Variants in PPP1R21 observed in about 807,000 individuals in gnomAD.
PPP1R21 encodes protein phosphatase 1 regulatory subunit 21.
Under a neutral mutation model 112.8 loss-of-function variants are expected in PPP1R21, and 85 were observed. The observed-to-expected ratio is 0.75, with a 90% CI of 0.63 to 0.90. The LOEUF is 0.90. Ranked by LOEUF, PPP1R21 falls within the 40% of genes least tolerant of loss-of-function variation. The probability of loss-of-function intolerance (pLI) is 0.00; values close to 1 mark genes in which losing one functional copy is unlikely to be tolerated. For synonymous variants in PPP1R21, 381 were observed against 322.3 expected, an observed-to-expected ratio of 1.18 and a Z score of -1.95; for missense variants, 1,199 against 901.5, an observed-to-expected ratio of 1.33 and a Z score of -4.23.
intron 1 of PPP1R21, among the ~76,000 whole-genome samples, chr2:48,447,425 T>C (rs1349353909): frequency 2.0e-5 from 3 of 152,224 alleles, no homozygotes. Context: ...AAGAGCTTGG[T>C]GCACAGCTGT....
intron 21 of PPP1R21, among the ~76,000 whole-genome samples, chr2:48,513,098 T>C (rs1670712863): frequency 6.6e-6 from 1 of 152,152 alleles, no homozygotes; most frequent in African/African-American, 2.4e-5. Flanking sequence ...TTCAGAAGTA[T>C]TTGGTTTTGA....
intron 1 of PPP1R21, among the ~76,000 whole-genome samples, chr2:48,443,489 G>C (rs1667117319): frequency 6.6e-6 from 1 of 152,216 alleles, no homozygotes; most frequent in African/African-American, 2.4e-5. Context: ...CCATCACGAT[G>C]CACTTTGAGA....
chr2:48,464,241 G>A (rs983767357), intron 7 of PPP1R21, among the ~76,000 whole-genome samples: 1 of 152,138 alleles, frequency 6.6e-6, no homozygotes, highest in African/African-American at 2.4e-5. Flanking sequence ...AAGGGAACTG[G>A]GTGACTATGC....
intron 13 of PPP1R21, 51 bp from the exon 14 acceptor site, chr2:48,486,580 A>G (rs761118145): frequency 1.4e-6 from 2 of 1,397,902 alleles, no homozygotes; most frequent in East Asian, 2.3e-5. Context: ...GGTTATCTGT[A>G]TGTGACTTAT....
At chr2:48,465,712 T>C in intron 9 of PPP1R21, 70 bp downstream of exon 9, 1 of 1,419,564 alleles carries the variant, frequency 7.0e-7, no homozygotes, top group Non-Finnish European at 9.7e-7. Context: ...TTTTTAGACC[T>C]CTTCTGTGCA....
At chr2:48,502,448 C>G (rs1241088930) in intron 17 of PPP1R21, among the ~76,000 whole-genome samples, 1 of 149,576 alleles carries the variant, frequency 6.7e-6, no homozygotes, top group Non-Finnish European at 1.5e-5. Flanking sequence ...TACTTTCAGC[C>G]TTTCTTTTTA....
chr2:48,479,913 T>G lies in PPP1R21; in HGVS notation c.1226-11T>G. Reference sequence around the variant, plus strand: ...AGGAAAATGCTTAGATTTGTGATTTTGATTTCCTAGGTACAGAGCCAGATG... The same window carrying G: ...AGGAAAATGCTTAGATTTGTGATTTGGATTTCCTAGGTACAGAGCCAGATG... On this transcript the variant is annotated splice_polypyrimidine_tract_variant and intron_variant, in intron 12 of 21. Transcript: ENST00000294952. 6.4e-7 allele frequency: 1 copy of G among 1,564,042 alleles called. No individual in the cohort carries two copies.
chr2:48,448,935 A>G (rs1198723685), intron 1 of PPP1R21, among the ~76,000 whole-genome samples: 1 of 152,120 alleles, frequency 6.6e-6, no homozygotes, highest in East Asian at 1.9e-4. Context: ...GAGTATGGCT[A>G]TGTTCCAATA....
chr2:48,441,452 C>G (rs1667028383), intron 1 of PPP1R21: 1 of 230,460 alleles, frequency 4.3e-6, no homozygotes. Flanking sequence ...TTTATCTTCC[C>G]CCGAATCAAT....
chr2:48,485,435 G>A (rs1010208532), intron 13 of PPP1R21, among the ~76,000 whole-genome samples: 2 of 152,060 alleles, frequency 1.3e-5, no homozygotes, highest in African/African-American at 4.8e-5. Flanking sequence ...TTGCCAATTG[G>A]TTGGTTCCTT....
intron 14 of PPP1R21, among the ~76,000 whole-genome samples, chr2:48,488,948 CTG>C (rs1669434168): frequency 6.6e-6 from 1 of 152,178 alleles, no homozygotes; most frequent in African/African-American, 2.4e-5. Context: ...AATGCAAACA[CTG>C]TGTGAATCCA....
intron 6 of PPP1R21, among the ~76,000 whole-genome samples, chr2:48,460,667 C>T (rs1329595824): frequency 6.6e-6 from 1 of 152,034 alleles, no homozygotes; most frequent in African/African-American, 2.4e-5. Flanking sequence ...GATTTTGTTG[C>T]ATCGTTAGAA....
chr2:48,504,351 A>G (rs1158281977), intron 17 of PPP1R21, among the ~76,000 whole-genome samples: 2 of 152,116 alleles, frequency 1.3e-5, no homozygotes, highest in Non-Finnish European at 2.9e-5. Flanking sequence ...ATACATTAAA[A>G]CTGTCTATTG....
At chr2:48,483,858 AT>A (rs1488249230) in intron 13 of PPP1R21, among the ~76,000 whole-genome samples, 2 of 151,740 alleles carry the variant, frequency 1.3e-5, no homozygotes, top group Non-Finnish European at 2.9e-5. Context: ...AATTTTTTAA[AT>A]TTCTTTTTTA....
At chr2:48,456,153 T>G (rs1667717450) in intron 3 of PPP1R21, among the ~76,000 whole-genome samples, 1 of 151,886 alleles carries the variant, frequency 6.6e-6, no homozygotes, top group Non-Finnish European at 1.5e-5. Flanking sequence ...TAGAGATGAG[T>G]TTTTTTGCCT....
At chr2:48,442,950 G>C (rs1667097879) in intron 1 of PPP1R21, among the ~76,000 whole-genome samples, 1 of 152,156 alleles carries the variant, frequency 6.6e-6, no homozygotes, top group African/African-American at 2.4e-5. Flanking sequence ...TAACTGTGAA[G>C]GATGGATTGA....
rs111809487 is a variant in PPP1R21 at position 48,478,495 on chromosome 2, C to T, written c.1226-1429C>T. On this transcript the variant is annotated intron_variant, in intron 12 of 21. Coordinates refer to ENST00000294952, the MANE Select transcript of PPP1R21 (RefSeq NM_001135629.3). ...GTGGCAGGGCTCTCCTTCACTGTCT[C>T]TTTCACTGATCACACCCAGGTTTAA... Among the ~76,000 whole-genome samples, 459 of 152,354 alleles carry T rather than the reference C, an allele frequency of 3.0e-3. 5 individuals are homozygous for T. The highest frequency in any genetic ancestry group is 0.01 in the African/African-American group (433 of 41,588).
rs138246998 is a variant in PPP1R21 at position 48,498,625 on chromosome 2, A to C, written c.1825A>C (p.Ser609Arg). Residue 609 changes from serine to arginine, a missense_variant, in exon 17 of 22, where the codon AGT becomes CGT. By Grantham distance (110) the Ser-to-Arg change is moderately radical. Transcript: ENST00000294952. The stretch of plus-strand genomic sequence containing the variant: ...TGCAGATAAGCTGAAGAATACAGGT[A>C]GTGCCCAGCTGGTTGGGCTGGCCCA... Reference protein sequence around the residue: ...RIADKLKNTGSAQLVGLAQEN... With the variant: ...RIADKLKNTGRAQLVGLAQEN... 2.5e-6 allele frequency: 4 copies of C among 1,614,148 alleles called. No individual in the cohort carries two copies. In the East Asian group the frequency reaches 6.7e-5, roughly 27 times the overall value.
chr2:48,498,912 T>G (rs1669974390), intron 17 of PPP1R21, among the ~76,000 whole-genome samples, 177 bp downstream of exon 17: 1 of 152,218 alleles, frequency 6.6e-6, no homozygotes, highest in Non-Finnish European at 1.5e-5. Context: ...GCTGGGACGT[T>G]CAGGATTAAG....
Sources: gnomAD v4.1 joint callset for allele counts (sites outside exome capture counted in the v4.1 genomes callset) on GRCh38, gnomAD v4.1.1 for gene constraint, MANE v1.5 for transcripts, NCBI Gene and HGNC (gene_info 2026-07-23, HGNC 2026-07-21) for gene names.